Variants in ELMO1 observed in about 807,000 individuals in gnomAD.
ELMO1 encodes engulfment and cell motility protein 1.
Under a neutral mutation model 98.9 loss-of-function variants are expected in ELMO1, and 26 were observed. The observed-to-expected ratio is 0.26, with a 90% CI of 0.19 to 0.36. ELMO1 has a LOEUF of 0.36. Among genes scored for constraint, ELMO1 ranks in the 10% least tolerant of loss-of-function variants. The probability of loss-of-function intolerance (pLI) is 1.00; values close to 1 mark genes in which losing one functional copy is unlikely to be tolerated. For synonymous variants in ELMO1, 346 were observed against 346.0 expected (o/e 1.00, Z 0.00); for missense variants, 627 against 935.2 (o/e 0.67, Z 4.30).
intron 16 of ELMO1, among the ~76,000 whole-genome samples, chr7:36,923,459 C>G (rs529459912): frequency 3.0e-4 from 45 of 152,024 alleles, no homozygotes; most frequent in African/African-American, 1.1e-3. Flanking sequence ...TGATAAAAAC[C>G]CTTGTATTGG....
chr7:37,416,183 T>G (rs981476804), intron 1 of ELMO1, among the ~76,000 whole-genome samples: 11 of 152,220 alleles, frequency 7.2e-5, no homozygotes, highest in Admixed American at 6.5e-4. Context: ...ACTTACTTCC[T>G]AAATCAGATA....
At chr7:37,264,775 A>C (rs1348868796) in intron 5 of ELMO1, among the ~76,000 whole-genome samples, 1 of 152,182 alleles carries the variant, frequency 6.6e-6, no homozygotes, top group Admixed American at 6.5e-5. Flanking sequence ...ATAAAGGATT[A>C]GCCGTGGGCA....
intron 13 of ELMO1, among the ~76,000 whole-genome samples, chr7:37,166,452 C>T (rs2129687085): frequency 6.6e-6 from 1 of 152,122 alleles, no homozygotes; most frequent in Admixed American, 6.6e-5. Flanking sequence ...TTGGATCTTT[C>T]CTGCTTTCTC....
chr7:37,123,580 A>G (rs1004811013), intron 14 of ELMO1, among the ~76,000 whole-genome samples: 16 of 152,220 alleles, frequency 1.1e-4, no homozygotes, highest in African/African-American at 3.6e-4. Flanking sequence ...TCCCAAGACT[A>G]AACCAGGAAG....
intron 4 of ELMO1, among the ~76,000 whole-genome samples, chr7:37,307,336 A>G (rs942794146): frequency 6.6e-6 from 1 of 151,378 alleles, no homozygotes; most frequent in African/African-American, 2.4e-5. Flanking sequence ...TGATGGCTTT[A>G]TAAGGGGCTT....
At chr7:37,397,566 C>A (rs1234299203) in intron 1 of ELMO1, among the ~76,000 whole-genome samples, 1 of 152,234 alleles carries the variant, frequency 6.6e-6, no homozygotes, top group African/African-American at 2.4e-5. Flanking sequence ...CTGTGCACCT[C>A]AGTTTCCTCA....
At chr7:37,289,950 G>GCTC (rs992973546) in intron 4 of ELMO1, among the ~76,000 whole-genome samples, 1 of 152,164 alleles carries the variant, frequency 6.6e-6, no homozygotes, top group African/African-American at 2.4e-5. Context: ...CCCACACTAT[G>GCTC]CTCTAGGCCT....
At chr7:37,025,655 A>G (rs1206884000) in intron 15 of ELMO1, among the ~76,000 whole-genome samples, 1 of 151,960 alleles carries the variant, frequency 6.6e-6, no homozygotes, top group South Asian at 2.1e-4. Flanking sequence ...TGGGAGTTAC[A>G]TGATCAGTTC....
chr7:37,441,142 GAAA>G (rs757128289), intron 1 of ELMO1, among the ~76,000 whole-genome samples: 1 of 138,838 alleles, frequency 7.2e-6, no homozygotes. Flanking sequence ...ATTCTGAACT[GAAA>G]AAAAAAAAAA....
chr7:37,334,034 T>C (rs1316120237), intron 2 of ELMO1, among the ~76,000 whole-genome samples: 1 of 152,196 alleles, frequency 6.6e-6, no homozygotes, highest in East Asian at 1.9e-4. Context: ...CAACAATGTT[T>C]TCAAATGTAG....
intron 20 of ELMO1, among the ~76,000 whole-genome samples, chr7:36,864,680 G>C (rs191122971): frequency 6.6e-6 from 1 of 152,218 alleles, no homozygotes; most frequent in South Asian, 2.1e-4. Context: ...GCGCCAGGTG[G>C]TGGTGGAGTA....
chr7:36,902,128 T>C (rs952403817), intron 16 of ELMO1, among the ~76,000 whole-genome samples: 9 of 152,212 alleles, frequency 5.9e-5, no homozygotes, highest in African/African-American at 1.9e-4. Flanking sequence ...GGAGAGAAAC[T>C]GCTTTGAAAT....
At chr7:37,155,168 T>C (rs34122456) in intron 13 of ELMO1, among the ~76,000 whole-genome samples, 12,795 of 152,094 alleles carry the variant, frequency 0.084, 671 homozygotes, top group African/African-American at 0.14. Flanking sequence ...GCACTAAACA[T>C]GGATAGGAAC....
chr7:37,298,212 G>A (rs1366415405), intron 4 of ELMO1, among the ~76,000 whole-genome samples: 1 of 150,176 alleles, frequency 6.7e-6, no homozygotes, highest in Non-Finnish European at 1.5e-5. Context: ...CAAGTCTAGA[G>A]CTACAAGAGA....
intron 13 of ELMO1, among the ~76,000 whole-genome samples, chr7:37,141,984 G>T (rs1047099631): frequency 2.6e-5 from 4 of 152,192 alleles, no homozygotes; most frequent in African/African-American, 9.7e-5. Context: ...ACAACTAGAG[G>T]TTGAATAAGT....
chr7:36,934,014 C>G (rs987630598), intron 16 of ELMO1, among the ~76,000 whole-genome samples: 1 of 152,174 alleles, frequency 6.6e-6, no homozygotes, highest in African/African-American at 2.4e-5. Flanking sequence ...GATACAGGCT[C>G]TCCCAGCAGG....
At chr7:37,018,721 C>A (rs1056937662) in intron 15 of ELMO1, among the ~76,000 whole-genome samples, 1 of 152,212 alleles carries the variant, frequency 6.6e-6, no homozygotes, top group Non-Finnish European at 1.5e-5. Context: ...AGGTGATCTG[C>A]CCGCCTTGAT....
intron 1 of ELMO1, among the ~76,000 whole-genome samples, chr7:37,374,450 C>T (rs530860667): frequency 1.3e-4 from 20 of 152,300 alleles, no homozygotes; most frequent in African/African-American, 3.4e-4. Context: ...ATTAGTTAGT[C>T]GTTTAAAAAA....
chr7:37,174,850 G>A (rs1309223830), intron 13 of ELMO1, among the ~76,000 whole-genome samples: 3 of 152,096 alleles, frequency 2.0e-5, no homozygotes, highest in African/African-American at 4.8e-5. Flanking sequence ...TCACTTGTAA[G>A]CACTAGCTTT....
Sources: gnomAD v4.1 joint callset for allele counts (sites outside exome capture counted in the v4.1 genomes callset) on GRCh38, gnomAD v4.1.1 for gene constraint, MANE v1.5 for transcripts, NCBI Gene and HGNC (gene_info 2026-07-23, HGNC 2026-07-21) for gene names.